Variants in SDK1 observed in about 807,000 individuals in gnomAD.
The protein encoded by SDK1 is protein sidekick-1.
In SDK1, 157 loss-of-function variants were observed where a neutral mutation model predicts 245.5. The observed-to-expected ratio is 0.64, with a 90% CI of 0.56 to 0.73. The LOEUF (loss-of-function observed/expected upper bound fraction) is 0.73, where lower values mean the gene tolerates loss of function less well. Among genes scored for constraint, SDK1 ranks in the 30% least tolerant of loss-of-function variants. The probability of loss-of-function intolerance (pLI) is 0.00; values close to 1 mark genes in which losing one functional copy is unlikely to be tolerated. For missense variants in SDK1, 3,583 were observed against 3,002.3 expected, an observed-to-expected ratio of 1.19 and a Z score of -4.52; for synonymous variants, 1,647 against 1,278.5, an observed-to-expected ratio of 1.29 and a Z score of -6.15.
chr7:3,744,359 T>A (rs1413495326), intron 4 of SDK1, among the ~76,000 whole-genome samples: 6 of 152,192 alleles, frequency 3.9e-5, no homozygotes, highest in Non-Finnish European at 5.9e-5. Context: ...TTGTTTGTAA[T>A]GTCTATTCTA....
intron 44 of SDK1, among the ~76,000 whole-genome samples, chr7:4,253,636 G>C (rs912929447): frequency 6.6e-6 from 1 of 152,176 alleles, no homozygotes; most frequent in African/African-American, 2.4e-5. Flanking sequence ...TTCTGTATGT[G>C]TCTGTAGGTC....
chr7:3,758,501 G>A lies in SDK1; in HGVS notation c.714-62949G>A, dbSNP rs201117672. Among the ~76,000 whole-genome samples the A allele has an allele frequency of 1.1e-4, 17 of 152,266 alleles. No homozygotes were observed. In the East Asian group the frequency reaches 2.7e-3, roughly 24 times the overall value. ...TAGTTTTTGTCATTAACACTAATGC[G>A]AAACTGTAATTATTTTTGTACCAAC... On this transcript the variant is annotated intron_variant, in intron 4 of 44. Transcript: ENST00000404826.
At chr7:3,800,106 C>T (rs1055695541) in intron 4 of SDK1, among the ~76,000 whole-genome samples, 9 of 152,070 alleles carry the variant, frequency 5.9e-5, no homozygotes, top group East Asian at 1.9e-4. Flanking sequence ...CAGTCTCCAA[C>T]GTTTCTGTTG....
intron 5 of SDK1, among the ~76,000 whole-genome samples, chr7:3,893,906 G>A (rs1197907037): frequency 1.3e-5 from 2 of 152,062 alleles, no homozygotes; most frequent in African/African-American, 4.8e-5. Flanking sequence ...CAGTATTAAG[G>A]ATTTTACAGG....
At chr7:3,722,258 T>C (rs1778833649) in intron 4 of SDK1, among the ~76,000 whole-genome samples, 1 of 152,058 alleles carries the variant, frequency 6.6e-6, no homozygotes, top group Admixed American at 6.5e-5. Context: ...AAGGGGAGAC[T>C]CGGAGACCAC....
intron 1 of SDK1, among the ~76,000 whole-genome samples, chr7:3,307,073 A>C (rs149292911): frequency 6.6e-6 from 1 of 152,350 alleles, no homozygotes; most frequent in African/African-American, 2.4e-5. Flanking sequence ...TTTACAAAAG[A>C]AAGCTATTGA....
chr7:3,403,634 T>C (rs1778948344), intron 1 of SDK1, among the ~76,000 whole-genome samples: 1 of 151,216 alleles, frequency 6.6e-6, no homozygotes, highest in Non-Finnish European at 1.5e-5. Context: ...TACAATAAGA[T>C]ATGGAGACTC....
chr7:3,991,121 C>A (rs956292893), intron 14 of SDK1, among the ~76,000 whole-genome samples: 1 of 152,168 alleles, frequency 6.6e-6, no homozygotes, highest in Non-Finnish European at 1.5e-5. Context: ...AGTGATGTGA[C>A]TGTATAGAAG....
intron 1 of SDK1, among the ~76,000 whole-genome samples, chr7:3,352,570 T>C (rs1324602435): frequency 6.6e-6 from 1 of 152,110 alleles, no homozygotes; most frequent in Admixed American, 6.5e-5. Context: ...GCCAGACACC[T>C]AAGGAAATTT....
chr7:3,463,095 G>C (rs941428229), intron 1 of SDK1, among the ~76,000 whole-genome samples: 1 of 151,984 alleles, frequency 6.6e-6, no homozygotes, highest in African/African-American at 2.4e-5. Context: ...TCATCAACTT[G>C]TTATCTAACT....
chr7:3,605,550 T>C (rs565555363), intron 1 of SDK1, among the ~76,000 whole-genome samples: 47 of 152,306 alleles, frequency 3.1e-4, no homozygotes, highest in African/African-American at 1.1e-3. Flanking sequence ...GCACCTAAAT[T>C]ATTGATTCCA....
intron 4 of SDK1, among the ~76,000 whole-genome samples, chr7:3,657,153 C>T (rs780650588): frequency 2.0e-5 from 3 of 152,122 alleles, no homozygotes; most frequent in Non-Finnish European, 2.9e-5. Context: ...GCTTGGAGGT[C>T]AAGAAGAGTC....
rs1157561715 is a variant in SDK1, at chr7:3,301,801, G to T, written c.215G>T (p.Arg72Leu). Reference protein sequence around the residue: ...TAGAGRCGGRRAAKLGPGRRG... With the variant: ...TAGAGRCGGRLAAKLGPGRRG... ...GGCGCGGGGCGGTGCGGCGGGCGGC[G>T]GGCGGCAAAGTTGGGGCCGGGCCGC... Residue 72 changes from arginine (R) to leucine (L), a missense_variant, in exon 1 of 45, where the codon CGG (arginine) becomes CTG (leucine). Physicochemically the swap from Arg to Leu is moderately radical, Grantham distance 102. Coordinates refer to ENST00000404826, the MANE Select transcript of SDK1 (RefSeq NM_152744.4). 1 of 1,047,850 alleles carries T rather than the reference G, an allele frequency of 9.5e-7. No individual in the cohort carries two copies. The highest frequency in any genetic ancestry group is 1.1e-6 in the Non-Finnish European group (1 of 871,880). 64.9% of individuals were successfully genotyped at this position (1,047,850 alleles called of 1,614,324 possible).
At chr7:3,616,063 C>G (rs1347303490) in intron 1 of SDK1, among the ~76,000 whole-genome samples, 1 of 151,912 alleles carries the variant, frequency 6.6e-6, no homozygotes, top group Non-Finnish European at 1.5e-5. Flanking sequence ...TTTTAAAAAA[C>G]TTTTTGTGGA....
intron 23 of SDK1, 103 bp downstream of exon 23, chr7:4,110,875 G>C (rs1002929880): frequency 1.3e-6 from 1 of 776,326 alleles, no homozygotes; most frequent in South Asian, 1.5e-5. Flanking sequence ...ATGCAAATCA[G>C]ATGTTTCCTA....
At chr7:3,517,961 G>GT (rs1184272113) in intron 1 of SDK1, among the ~76,000 whole-genome samples, 1 of 152,002 alleles carries the variant, frequency 6.6e-6, no homozygotes, top group East Asian at 1.9e-4. Context: ...TTTTGTGTTT[G>GT]TTTTTGTGAC....
At chr7:4,073,742 G>T (rs1320703193) in intron 20 of SDK1, among the ~76,000 whole-genome samples, 1 of 152,152 alleles carries the variant, frequency 6.6e-6, no homozygotes, top group Non-Finnish European at 1.5e-5. Flanking sequence ...AGGAGGAGGC[G>T]CTTTGAGAGC....
chr7:3,800,983 C>G (rs1779093502), intron 4 of SDK1, among the ~76,000 whole-genome samples: 1 of 152,118 alleles, frequency 6.6e-6, no homozygotes, highest in Middle Eastern at 3.2e-3. Context: ...TTTGTCCTTC[C>G]CACCCTAACA....
Position 3,704,289 on chromosome 7 carries a change from T to C in SDK1, c.713+62184T>C, listed in dbSNP as rs1784825032. ...ATACCATTTTTTCTTTATCTACTCA[T>C]TGTTTGATGCCACATTTTCTTTATC... On this transcript the variant is annotated intron_variant, in intron 4 of 44. Coordinates refer to ENST00000404826, the MANE Select transcript of SDK1 (RefSeq NM_152744.4). Among the ~76,000 whole-genome samples, 6 of 152,242 alleles carry C rather than the reference T, an allele frequency of 3.9e-5. No individual in the cohort carries two copies. In the South Asian group the frequency reaches 1.2e-3, roughly 32 times the overall value.
Sources: allele counts gnomAD v4.1 joint callset (sites outside exome capture counted in the v4.1 genomes callset), GRCh38; gene constraint gnomAD v4.1.1; transcripts MANE v1.5; gene names NCBI Gene and HGNC (gene_info 2026-07-23, HGNC 2026-07-21).